Variants in PCDHGA3 observed in about 807,000 individuals in gnomAD.
PCDHGA3 encodes the protein protocadherin gamma subfamily A, 3.
A neutral mutation model predicts 58.5 loss-of-function variants in PCDHGA3; 40 were observed. The ratio of observed to expected loss-of-function variants is 0.68; its 90% CI spans 0.53 to 0.89. PCDHGA3 has a LOEUF of 0.89. PCDHGA3 is among the 40% of genes least tolerant of loss of function. The pLI is 0.00. For synonymous variants in PCDHGA3, 530 were observed against 525.7 expected (o/e 1.01, Z -0.11); for missense variants, 1,223 against 1,195.9 (o/e 1.02, Z -0.33).
At chr5:141,458,820 C>T (rs2098954225) in intron 1 of PCDHGA3, among the ~76,000 whole-genome samples, 1 of 152,070 alleles carries the variant, frequency 6.6e-6, no homozygotes, top group African/African-American at 2.4e-5. Flanking sequence ...GCAACCTCTG[C>T]CTCCCAGGCT....
chr5:141,395,013 G>A, intron 1 of PCDHGA3: 2 of 1,614,064 alleles, frequency 1.2e-6, no homozygotes, highest in South Asian at 1.1e-5. Flanking sequence ...CAGATTGGTA[G>A]GCGTGCCTGC....
intron 1 of PCDHGA3, chr5:141,423,156 C>T (rs62378456): frequency 0.034 from 55,171 of 1,613,388 alleles, 1,070 homozygotes; most frequent in Middle Eastern, 0.098. Context: ...AGCAGAGCCT[C>T]GTGGTGGCCG....
At chr5:141,355,601 G>A (rs2149786731) in intron 1 of PCDHGA3, 2 of 1,613,936 alleles carry the variant, frequency 1.2e-6, no homozygotes, top group Non-Finnish European at 8.5e-7. Flanking sequence ...CCCAGTTTTG[G>A]GACAGAACAG....
At chr5:141,415,801 A>G (rs560476453) in intron 1 of PCDHGA3, 12 of 1,373,384 alleles carry the variant, frequency 8.7e-6, no homozygotes, top group East Asian at 5.3e-5. Flanking sequence ...CCTAGTCTCA[A>G]TCAAGGCCTA....
intron 1 of PCDHGA3, among the ~76,000 whole-genome samples, chr5:141,460,454 T>C (rs1010186960): frequency 6.6e-6 from 1 of 152,194 alleles, no homozygotes; most frequent in Admixed American, 6.6e-5. Context: ...TGAAGATTCA[T>C]ATTTTTTTCC....
At chr5:141,464,218 T>C (rs1464478430) in intron 1 of PCDHGA3, among the ~76,000 whole-genome samples, 1 of 150,958 alleles carries the variant, frequency 6.6e-6, no homozygotes, top group Non-Finnish European at 1.5e-5. Flanking sequence ...TGAGCTGAGA[T>C]TGCGCCACTG....
intron 1 of PCDHGA3, chr5:141,410,320 C>A (rs752279818): frequency 6.2e-7 from 1 of 1,613,998 alleles, no homozygotes; most frequent in Non-Finnish European, 8.5e-7. Context: ...TCCTCCTCGC[C>A]GTGATTCTGG....
rs140609729 is a variant in PCDHGA3 at position 141,372,233 on chromosome 5, G to A, written c.2424+25776G>A. On this transcript the variant is annotated intron_variant, in intron 1 of 3. Coordinates refer to ENST00000253812, the MANE Select transcript of PCDHGA3 (RefSeq NM_018916.4). ...CCTACCACATTGTGCAGGCCAGCGA[G>A]CCCGGGCTGTTCAGCCTGGGCCTGC... 2,947 of 1,613,368 alleles carry A rather than the reference G, an allele frequency of 1.8e-3. 7 individuals carry two copies. The highest frequency in any genetic ancestry group is 2.3e-3 in the Non-Finnish European group (2,745 of 1,179,836).
At chr5:141,346,844 T>G (rs1352354862) in intron 1 of PCDHGA3, among the ~76,000 whole-genome samples, 1 of 152,240 alleles carries the variant, frequency 6.6e-6, no homozygotes, top group Non-Finnish European at 1.5e-5. Flanking sequence ...CTTTTTCATT[T>G]TAAATCCCTG....
At chr5:141,398,372 G>C in intron 1 of PCDHGA3, 1 of 1,437,202 alleles carries the variant, frequency 7.0e-7, no homozygotes, top group Non-Finnish European at 9.7e-7. Context: ...GCAGAGAGCG[G>C]GGAGTTGCTT....
chr5:141,416,224 T>G (rs2096006627), intron 1 of PCDHGA3: 1 of 152,382 alleles, frequency 6.6e-6, no homozygotes, highest in Admixed American at 6.5e-5. Context: ...TATGCTTAGA[T>G]TTTTCCAGCC....
rs2097718776 is a variant in PCDHGA3, at chr5:141,434,813, T to C, written c.2425-59994T>C. On this transcript the variant is annotated intron_variant, in intron 1 of 3. Coordinates refer to ENST00000253812, the MANE Select transcript of PCDHGA3 (RefSeq NM_018916.4). ...TTTTTTCTGAGCTTGGAGAAATATA[T>C]CCCTTAGTACACTTGGCATTTATAA... Among the ~76,000 whole-genome samples, 5 of 151,962 alleles carry C rather than the reference T, an allele frequency of 3.3e-5. No individual in the cohort carries two copies. In the South Asian group the frequency reaches 1.0e-3, roughly 32 times the overall value.
At chr5:141,420,213 G>A in intron 1 of PCDHGA3, 1 of 1,611,648 alleles carries the variant, frequency 6.2e-7, no homozygotes, top group Non-Finnish European at 8.5e-7. Flanking sequence ...AACAAAGATA[G>A]CATGCTACTG....
chr5:141,383,162 G>T (rs1778883191), intron 1 of PCDHGA3: 1 of 1,614,006 alleles, frequency 6.2e-7, no homozygotes, highest in Non-Finnish European at 8.5e-7. Context: ...GTCACTGCGG[G>T]CAGGATAGAC....
At chr5:141,394,094 A>C (rs759909698) in intron 1 of PCDHGA3, 5 of 1,613,934 alleles carry the variant, frequency 3.1e-6, no homozygotes, top group Non-Finnish European at 3.4e-6. Flanking sequence ...CCTCAGATCT[A>C]GGAACACCAC....
intron 1 of PCDHGA3, chr5:141,360,800 A>G: frequency 6.2e-7 from 1 of 1,613,960 alleles, no homozygotes. Context: ...GACCCACCTC[A>G]AAGTGGCACG....
At position 141,432,117 on chromosome 5, in the gene PCDHGA3, C is replaced by G. The variant is rs761106133; in HGVS notation, c.2425-62690C>G. The G allele has an allele frequency of 6.2e-7, 1 of 1,614,062 alleles. No homozygotes were observed. The highest frequency in any genetic ancestry group is 8.5e-7 in the Non-Finnish European group (1 of 1,180,048). ...ACCAACGACAACCCGCCGGTCTTCC[C>G]TCAGGCCTCCTATTCCGCTTATATC... is the stretch of plus-strand genomic sequence containing the variant. On this transcript the variant is annotated intron_variant, in intron 1 of 3. Transcript: ENST00000253812. The surrounding 1 kb of genome is among the most constrained non-coding windows in gnomAD (Gnocchi z 6.0).
chr5:141,352,712 G>C, intron 1 of PCDHGA3: 9 of 1,540,860 alleles, frequency 5.8e-6, no homozygotes, highest in Non-Finnish European at 7.9e-6. Context: ...TATGGCGGCC[G>C]GGCGCGGTGG....
intron 1 of PCDHGA3, chr5:141,355,282 G>A (rs1759783448): frequency 2.5e-6 from 4 of 1,613,774 alleles, no homozygotes; most frequent in Non-Finnish European, 3.4e-6. Flanking sequence ...GGAAATCAGG[G>A]CCGAACAGAT....
Sources: gnomAD v4.1 joint callset for allele counts (sites outside exome capture counted in the v4.1 genomes callset) on GRCh38, gnomAD v4.1.1 for gene constraint, Gnocchi (gnomAD v3.1) non-coding constraint, MANE v1.5 for transcripts, NCBI Gene and HGNC (gene_info 2026-07-23, HGNC 2026-07-21) for gene names.